Variants in EFNB2 observed in about 807,000 individuals in gnomAD.
EFNB2 encodes ephrin-B2.
In EFNB2, 5 loss-of-function variants were observed where a neutral mutation model predicts 32.1. That is an observed-to-expected ratio of 0.16 (90% CI 0.08 to 0.33). The LOEUF is 0.33. EFNB2 is among the 10% of genes least tolerant of loss of function. The pLI is 1.00. For synonymous variants in EFNB2, 168 were observed against 166.5 expected (o/e 1.01, Z -0.07); for missense variants, 263 against 422.6 (o/e 0.62, Z 3.31).
chr13:106,524,819 C>T (rs1252323072), intron 1 of EFNB2, among the ~76,000 whole-genome samples: 2 of 152,052 alleles, frequency 1.3e-5, no homozygotes, highest in African/African-American at 4.8e-5. Flanking sequence ...GCACCAAAAG[C>T]AGGAAAGCAG....
At chr13:106,501,043 A>G (rs1878761340) in intron 2 of EFNB2, among the ~76,000 whole-genome samples, 1 of 152,220 alleles carries the variant, frequency 6.6e-6, no homozygotes, top group Non-Finnish European at 1.5e-5. Context: ...TAGTGTGAAT[A>G]TACAACCTAG....
At chr13:106,497,256 T>C (rs1878621370) in intron 2 of EFNB2, among the ~76,000 whole-genome samples, 1 of 152,216 alleles carries the variant, frequency 6.6e-6, no homozygotes, top group African/African-American at 2.4e-5. Flanking sequence ...TGCATACATA[T>C]CACTGTGCTT....
At chr13:106,532,073 AAAAACC>A (rs368205928) in intron 1 of EFNB2, among the ~76,000 whole-genome samples, 6,766 of 51,420 alleles carry the variant, frequency 0.13, 489 homozygotes, top group African/African-American at 0.24. Context: ...AAAACAAAAA[AAAAACC>A]AAAACTTTAA....
intron 1 of EFNB2, among the ~76,000 whole-genome samples, chr13:106,522,104 G>A (rs1879542545): frequency 6.6e-6 from 1 of 151,964 alleles, no homozygotes; most frequent in African/African-American, 2.4e-5. Context: ...TATGAATTTT[G>A]TAGCTAGATA....
chr13:106,516,628 T>G (rs1879321222), intron 1 of EFNB2: 1 of 152,174 alleles, frequency 6.6e-6, no homozygotes, highest in African/African-American at 2.4e-5. Flanking sequence ...AAGCTGTTCA[T>G]AGATAAGCCA....
chr13:106,515,142 G>C (rs9520091), intron 1 of EFNB2, among the ~76,000 whole-genome samples: 2 of 152,058 alleles, frequency 1.3e-5, no homozygotes, highest in African/African-American at 4.8e-5. Context: ...TCAGCGACAG[G>C]TCTTGCTGGT....
At chr13:106,530,727 G>A (rs1879843823) in intron 1 of EFNB2, among the ~76,000 whole-genome samples, 1 of 152,058 alleles carries the variant, frequency 6.6e-6, no homozygotes, top group Admixed American at 6.6e-5. Context: ...TTCCCATTAG[G>A]TGAACGCACT....
In EFNB2 at chr13:106,532,072, AAAAAACC is replaced by A. The variant is rs1225508039; in HGVS notation, c.122+2764_122+2770del. Among the ~76,000 whole-genome samples the A allele has an allele frequency of 8.2e-4, 57 of 69,150 alleles. 1 individual carries two copies. The highest frequency in any genetic ancestry group is 1.5e-3 in the African/African-American group (26 of 17,212). The allele number at this position is 69,150 out of a possible 152,430, so 45.4% of individuals were successfully genotyped here. On this transcript the variant is annotated intron_variant, in intron 1 of 4. Coordinates refer to ENST00000646441, the MANE Select transcript of EFNB2 (RefSeq NM_004093.4). ...CTGCTGAATTAAAAAAAAAACAAAA[AAAAAACC>A]AAAACTTTAAACAACCAAAATGGCT... is the stretch of plus-strand genomic sequence containing the variant.
chr13:106,527,552 T>C (rs1333008804), intron 1 of EFNB2, among the ~76,000 whole-genome samples: 3 of 152,244 alleles, frequency 2.0e-5, no homozygotes, highest in Non-Finnish European at 4.4e-5. Context: ...AATCAGCAAG[T>C]ATGTGCTTAC....
chr13:106,495,953 A>G, intron 2 of EFNB2, 113 bp from the exon 3 acceptor site: 1 of 1,001,224 alleles, frequency 1.0e-6, no homozygotes, highest in East Asian at 2.6e-5. Context: ...ATAAGAATTC[A>G]CTCTTAGTCA....
intron 1 of EFNB2, among the ~76,000 whole-genome samples, chr13:106,521,859 C>A (rs1008018847): frequency 4.0e-5 from 6 of 151,480 alleles, no homozygotes; most frequent in Non-Finnish European, 8.8e-5. Context: ...AAGGGCATAC[C>A]TATAAATGGC....
chr13:106,497,206 A>T (rs1878619199), intron 2 of EFNB2, among the ~76,000 whole-genome samples: 1 of 152,200 alleles, frequency 6.6e-6, no homozygotes, highest in African/African-American at 2.4e-5. Flanking sequence ...AATTAACTTT[A>T]CTTTCACTGT....
At chr13:106,524,123 C>T (rs1010705386) in intron 1 of EFNB2, among the ~76,000 whole-genome samples, 60 of 152,036 alleles carry the variant, frequency 3.9e-4, no homozygotes, top group African/African-American at 1.3e-3. Flanking sequence ...CCTTATTATA[C>T]CCAAGATTTG....
At position 106,523,523 on chromosome 13, in the gene EFNB2, A is replaced by G. The variant is rs139818336; in HGVS notation, c.123-10711T>C. 2.0e-5 allele frequency among the ~76,000 whole-genome samples: 3 copies of G among 152,352 alleles called. No homozygotes were observed. The East Asian group carries it at 5.8e-4, about 29-fold the overall frequency. On this transcript the variant is annotated intron_variant, in intron 1 of 4. Coordinates refer to ENST00000646441, the MANE Select transcript of EFNB2 (RefSeq NM_004093.4). ...CTGGGGACTCTGAGTTCTAAAAGGC[A>G]TGAAGATTTGGTTGTTGGAGACCTC...
chr13:106,491,053 CTT>C lies in EFNB2; in HGVS notation c.*1985_*1986del, dbSNP rs776162786. 1 of 151,940 alleles carries C rather than the reference CTT, an allele frequency of 6.6e-6. No homozygotes were observed. The highest frequency in any genetic ancestry group is 1.5e-5 in the Non-Finnish European group (1 of 67,946). The allele number at this position is 151,940 out of a possible 1,614,324, so 9.4% of individuals were successfully genotyped here. ...AAAAGTAGGTTTCCTGTTTACTCTT[CTT>C]GTTTCCCAGAAGGGAGGGGGTGCGG... On this transcript the variant is annotated 3_prime_UTR_variant, in exon 5 of 5. Coordinates refer to ENST00000646441, the MANE Select transcript of EFNB2 (RefSeq NM_004093.4).
rs1288564515 is a variant in EFNB2, at chr13:106,491,998, T to C, written c.*1042A>G. The C allele has an allele frequency of 6.6e-6, 1 of 152,610 alleles. No individual in the cohort carries two copies. Among genetic ancestry groups the C allele is most frequent in the Non-Finnish European group, 1.5e-5 (1 of 68,060 alleles). The allele number at this position is 152,610 out of a possible 1,614,324, so 9.5% of individuals were successfully genotyped here. On this transcript the variant is annotated 3_prime_UTR_variant, in exon 5 of 5. Coordinates refer to ENST00000646441, the MANE Select transcript of EFNB2 (RefSeq NM_004093.4). The stretch of plus-strand genomic sequence containing the variant: ...TATCTTATTGCCAGTACCACAACAG[T>C]CCTGCCCGAATATATCATCAGCGGC...
Position 106,493,381 on chromosome 13 carries a change from G to A in EFNB2, c.661C>T (p.Leu221Phe), listed in dbSNP as rs1878481270. 2 of 1,613,996 alleles carry A rather than the reference G, an allele frequency of 1.2e-6. No homozygotes were observed. Among genetic ancestry groups the A allele is most frequent in the Non-Finnish European group, 8.5e-7 (1 of 1,179,986 alleles). Residue 221 changes from leucine to phenylalanine, a missense_variant, in exon 5 of 5, where the codon CTC becomes TTC. This residue lies in a region of EFNB2 where 172 missense variants were observed against 237.1 expected (regional missense o/e 0.73). Coordinates refer to ENST00000646441, the MANE Select transcript of EFNB2 (RefSeq NM_004093.4). This position sits in a 1 kb window ranked among gnomAD's most constrained non-coding sequence, Gnocchi z 6.1. ...NSAGHSGNNI[L>F]GSEVALFAGI... ...GCAAATAAGGCCACTTCGGAACCGA[G>A]GATGTTGTTCCCCGAATGTCCGGCG...
chr13:106,524,841 C>T (rs1044303102), intron 1 of EFNB2, among the ~76,000 whole-genome samples: 3 of 152,124 alleles, frequency 2.0e-5, no homozygotes, highest in Admixed American at 1.3e-4. Context: ...GGAGAGAGAA[C>T]TTAATTTAAT....
intron 3 of EFNB2, among the ~76,000 whole-genome samples, chr13:106,495,488 T>G (rs1056496812): frequency 1.4e-5 from 2 of 141,940 alleles, no homozygotes; most frequent in African/African-American, 5.3e-5. Flanking sequence ...TCTATCTATC[T>G]ATCTATCTAT....
Sources: gnomAD v4.1 joint callset for allele counts (sites outside exome capture counted in the v4.1 genomes callset) on GRCh38, gnomAD v4.1.1 for gene constraint, gnomAD v4.1.1 regional missense constraint, Gnocchi (gnomAD v3.1) non-coding constraint, MANE v1.5 for transcripts, NCBI Gene and HGNC (gene_info 2026-07-23, HGNC 2026-07-21) for gene names.